Variants in LUZP2 observed in about 807,000 individuals in gnomAD.
LUZP2 encodes leucine zipper protein 2.
A neutral mutation model predicts 51.6 loss-of-function variants in LUZP2; 52 were observed. The ratio of observed to expected loss-of-function variants is 1.01; its 90% CI spans 0.81 to 1.27. The LOEUF (loss-of-function observed/expected upper bound fraction) is 1.27, where lower values mean the gene tolerates loss of function less well. Ranked by LOEUF, LUZP2 falls within the 50% of genes most tolerant of loss-of-function variation. The pLI is 0.00. For synonymous variants in LUZP2, 154 were observed against 137.3 expected, an observed-to-expected ratio of 1.12 and a Z score of -0.85; for missense variants, 436 against 395.4, an observed-to-expected ratio of 1.10 and a Z score of -0.87.
At chr11:24,660,107 C>T (rs1855968634) in intron 1 of LUZP2, among the ~76,000 whole-genome samples, 1 of 152,092 alleles carries the variant, frequency 6.6e-6, no homozygotes, top group Non-Finnish European at 1.5e-5. Flanking sequence ...AAGAAGGAAG[C>T]GACCATGCAT....
At chr11:24,961,279 T>A (rs1855393418) in intron 7 of LUZP2, among the ~76,000 whole-genome samples, 2 of 152,226 alleles carry the variant, frequency 1.3e-5, no homozygotes. Context: ...GGTGCAGAGC[T>A]GAGTTCAATT....
chr11:24,654,678 C>G (rs939969319), intron 1 of LUZP2, among the ~76,000 whole-genome samples: 3 of 148,936 alleles, frequency 2.0e-5, no homozygotes, highest in Non-Finnish European at 4.5e-5. Flanking sequence ...GCGTGCACCA[C>G]GAGGCCTGGC....
chr11:24,828,049 A>G (rs201994646), intron 5 of LUZP2, among the ~76,000 whole-genome samples: 2 of 151,364 alleles, frequency 1.3e-5, no homozygotes, highest in Non-Finnish European at 3.0e-5. Context: ...ACACACACAC[A>G]TACACACACA....
intron 5 of LUZP2, among the ~76,000 whole-genome samples, chr11:24,905,379 T>A (rs550453671): frequency 6.6e-6 from 1 of 151,880 alleles, no homozygotes; most frequent in African/African-American, 2.4e-5. Flanking sequence ...ACAAAAAAAA[T>A]TAGCCAGGCA....
chr11:24,681,531 C>A (rs964867676), intron 1 of LUZP2, among the ~76,000 whole-genome samples: 1 of 152,016 alleles, frequency 6.6e-6, no homozygotes, highest in Non-Finnish European at 1.5e-5. Context: ...GTGGTAGGAA[C>A]GAAATAGATA....
At chr11:24,926,620 T>C (rs769572899) in intron 7 of LUZP2, among the ~76,000 whole-genome samples, 1 of 143,716 alleles carries the variant, frequency 7.0e-6, no homozygotes, top group African/African-American at 2.6e-5. Flanking sequence ...TATGTATATA[T>C]ATATGTGTGT....
intron 1 of LUZP2, among the ~76,000 whole-genome samples, chr11:24,702,661 C>T (rs1282540958): frequency 1.3e-5 from 2 of 152,138 alleles, no homozygotes; most frequent in Non-Finnish European, 2.9e-5. Context: ...GGTGCTCCTA[C>T]AAACTAATAC....
At chr11:25,074,648 A>G (rs1455152641) in intron 10 of LUZP2, among the ~76,000 whole-genome samples, 2 of 152,166 alleles carry the variant, frequency 1.3e-5, no homozygotes, top group African/African-American at 2.4e-5. Context: ...TTCAAGAAAT[A>G]CGTACATTAT....
chr11:24,692,519 T>C (rs7480223), intron 1 of LUZP2, among the ~76,000 whole-genome samples: 147,717 of 152,160 alleles, frequency 0.97, 71,725 homozygotes, highest in East Asian at 1. Flanking sequence ...AAAGAAAAAG[T>C]GGACACTTTT....
intron 5 of LUZP2, among the ~76,000 whole-genome samples, chr11:24,816,859 G>A (rs534856984): frequency 3.9e-5 from 6 of 152,018 alleles, no homozygotes; most frequent in Non-Finnish European, 8.8e-5. Context: ...CTTTTTCTGG[G>A]CGGTATATTT....
At chr11:25,077,304 G>T (rs780958109) in intron 10 of LUZP2, 25 bp from the exon 11 acceptor site, 1 of 1,559,272 alleles carries the variant, frequency 6.4e-7, no homozygotes, top group Admixed American at 1.7e-5. Flanking sequence ...CTTCATTGAT[G>T]TATTTTTAAT....
intron 5 of LUZP2, among the ~76,000 whole-genome samples, chr11:24,801,652 G>T (rs535334418): frequency 1.3e-5 from 2 of 151,512 alleles, no homozygotes; most frequent in Non-Finnish European, 2.9e-5. Context: ...TTTATTAAAA[G>T]AAATTTTTAA....
intron 7 of LUZP2, among the ~76,000 whole-genome samples, chr11:24,934,442 G>C (rs1311747665): frequency 6.6e-6 from 1 of 152,066 alleles, no homozygotes; most frequent in Admixed American, 6.5e-5. Context: ...TTCTTACTCT[G>C]TTCATTTATT....
At chr11:24,839,991 A>G (rs1427948477) in intron 5 of LUZP2, among the ~76,000 whole-genome samples, 1 of 151,780 alleles carries the variant, frequency 6.6e-6, no homozygotes, top group Non-Finnish European at 1.5e-5. Flanking sequence ...TTTTGCCATG[A>G]AAAGGAAAAG....
At position 24,497,349 on chromosome 11, in the gene LUZP2, G is replaced by C. The variant is rs751825693; in HGVS notation, c.62+44G>C. The C allele has an allele frequency of 9.8e-6, 14 of 1,432,082 alleles. No individual in the cohort carries two copies. In the East Asian group the frequency reaches 3.1e-4, roughly 32 times the overall value. The allele number at this position is 1,432,082 out of a possible 1,614,324, so 88.7% of individuals were successfully genotyped here. On this transcript the variant is annotated intron_variant, in intron 1 of 11. Transcript: ENST00000336930. ...GTGACCTGAGGCCAGGGGCGCTGCC[G>C]GGGCGAGGTTGGTCCTACTGTGGGT...
chr11:24,772,969 A>C (rs1194763728), intron 5 of LUZP2, among the ~76,000 whole-genome samples: 4 of 152,004 alleles, frequency 2.6e-5, no homozygotes, highest in South Asian at 4.1e-4. Context: ...CAAATAACTT[A>C]TTTCCAAATA....
chr11:24,546,046 G>T (rs1181176084), intron 1 of LUZP2, among the ~76,000 whole-genome samples: 3 of 151,928 alleles, frequency 2.0e-5, no homozygotes, highest in African/African-American at 7.3e-5. Context: ...TTTAGCAATT[G>T]TGAAATGGGA....
rs532077237 is a variant in LUZP2, at chr11:24,663,661, G to A, written c.63-65508G>A. On this transcript the variant is annotated intron_variant, in intron 1 of 11. Coordinates refer to ENST00000336930, the MANE Select transcript of LUZP2 (RefSeq NM_001009909.4). ...GCTATGTAGTGAATATGATTTAGCC[G>A]TGTCCCCATCCAAATCTCAACTTAA... Among the ~76,000 whole-genome samples the A allele has an allele frequency of 7.2e-5, 11 of 152,138 alleles. No individual in the cohort carries two copies. The South Asian group carries it at 8.3e-4, about 11-fold the overall frequency.
At position 24,726,830 on chromosome 11, in the gene LUZP2, G is replaced by T. The variant is rs112903025; in HGVS notation, c.63-2339G>T. On this transcript the variant is annotated intron_variant, in intron 1 of 11. Coordinates refer to ENST00000336930, the MANE Select transcript of LUZP2 (RefSeq NM_001009909.4). ...TCATGTAAGCAAGAGAAAATTATTA[G>T]AAGATGAACATACACTCATTTGTAA... Among the ~76,000 whole-genome samples the T allele has an allele frequency of 8.7e-4, 133 of 152,146 alleles. 1 individual carries two copies. The highest frequency in any genetic ancestry group is 3.1e-3 in the African/African-American group (127 of 41,548).
Sources: gnomAD v4.1 joint callset for allele counts (sites outside exome capture counted in the v4.1 genomes callset) on GRCh38, gnomAD v4.1.1 for gene constraint, MANE v1.5 for transcripts, NCBI Gene and HGNC (gene_info 2026-07-23, HGNC 2026-07-21) for gene names.